The following STAMBPL1 variants were observed in gnomAD, a reference collection of about 807,000 sequenced individuals.
The protein encoded by STAMBPL1 is STAM binding protein like 1, also known as AMSH-like protease.
A neutral mutation model predicts 52.9 loss-of-function variants in STAMBPL1; 44 were observed. The ratio of observed to expected loss-of-function variants is 0.83; its 90% CI spans 0.65 to 1.07. The LOEUF (loss-of-function observed/expected upper bound fraction) is 1.07, where lower values mean the gene tolerates loss of function less well. Among genes scored for constraint, STAMBPL1 ranks in the 50% least tolerant of loss-of-function variants. The pLI, the probability that STAMBPL1 is intolerant of heterozygous loss-of-function variation, is 0.00. For missense variants in STAMBPL1, 511 were observed against 520.8 expected, an observed-to-expected ratio of 0.98 and a Z score of 0.18; for synonymous variants, 164 against 177.3, an observed-to-expected ratio of 0.92 and a Z score of 0.60.
rs151253813 is a variant in STAMBPL1 at position 88,883,694 on chromosome 10, T to C, written c.-54+3056T>C. Among the ~76,000 whole-genome samples the C allele has an allele frequency of 1.8e-3, 278 of 152,350 alleles. 1 individual carries two copies. The highest frequency in any genetic ancestry group is 6.3e-3 in the African/African-American group (262 of 41,590). On this transcript the variant is annotated intron_variant, in intron 1 of 10. Transcript: ENST00000371926. ...GATGCTCTAACTTTTAAATTAAATC[T>C]GTGTTATTTTTTTCCATTGATGTGG...
In STAMBPL1 at chr10:88,905,428, A is replaced by C. The variant is rs113626934; in HGVS notation, c.31-15A>C. ...TAATCAACAGTTAATCAGAGATTTAAATTTTGCTTTGCAGAAAAAGTTAGC... is the reference window on the plus strand; with the variant it reads ...TAATCAACAGTTAATCAGAGATTTACATTTTGCTTTGCAGAAAAAGTTAGC... On this transcript the variant is annotated splice_polypyrimidine_tract_variant and intron_variant, in intron 2 of 10. Transcript: ENST00000371926. 39 of 1,605,006 alleles carry C rather than the reference A, an allele frequency of 2.4e-5. 2 individuals are homozygous for C. In the African/African-American group the frequency reaches 2.7e-4, roughly 11 times the overall value.
At chr10:88,892,251 A>G (rs1452417618) in intron 1 of STAMBPL1, among the ~76,000 whole-genome samples, 3 of 152,048 alleles carry the variant, frequency 2.0e-5, no homozygotes, top group African/African-American at 7.2e-5. Flanking sequence ...GCATAAAAAC[A>G]TCCTGGGCTG....
rs17114071 is a variant in STAMBPL1 at position 88,905,598 on chromosome 10, G to A, written c.186G>A (p.Ala62=). Residue 62 remains alanine, a synonymous_variant, in exon 3 of 11, where the codon GCG becomes GCA. Coordinates refer to ENST00000371926, the MANE Select transcript of STAMBPL1 (RefSeq NM_020799.4). The part of the protein sequence containing the change: ...FRSGVEMERM[A]SVYLEEGNLE... ...CTGGAGTAGAGATGGAGAGGATGGC[G>A]TCTGTGTATTTGGAAGAAGGAAATT... The A allele has an allele frequency of 0.073, 117,681 of 1,613,630 alleles. 4,753 individuals are homozygous for A. The highest frequency in any genetic ancestry group is 0.08 in the Non-Finnish European group (94,622 of 1,179,586).
intron 4 of STAMBPL1, among the ~76,000 whole-genome samples, chr10:88,909,962 A>T (rs1411958985): frequency 6.6e-6 from 1 of 151,994 alleles, no homozygotes; most frequent in Non-Finnish European, 1.5e-5. Context: ...TCTTTGTGTA[A>T]CATTTCCCCT....
chr10:88,902,198 C>T (rs1275102848), intron 2 of STAMBPL1, among the ~76,000 whole-genome samples: 1 of 152,214 alleles, frequency 6.6e-6, no homozygotes, highest in East Asian at 1.9e-4. Flanking sequence ...CACTTTTCCC[C>T]TCACTGCCCA....
In STAMBPL1 at chr10:88,922,377, G is replaced by T; in HGVS notation, c.1195G>T (p.Val399Phe). Reference sequence around the variant, plus strand: ...GCTCACCAATGCTGGCATGCTTGAGGTTTCTGCTTGTAAAAAAAAGGGCTT... The same window carrying T: ...GCTCACCAATGCTGGCATGCTTGAGTTTTCTGCTTGTAAAAAAAAGGGCTT... ...FRLTNAGMLE[V>F]SACKKKGFHP... Residue 399 changes from valine (V) to phenylalanine (F), a missense_variant, in exon 10 of 11, where the codon GTT (valine) becomes TTT (phenylalanine). Physicochemically the swap from Val to Phe is conservative, Grantham distance 50. Coordinates refer to ENST00000371926, the MANE Select transcript of STAMBPL1 (RefSeq NM_020799.4). 1 of 1,613,348 alleles carries T rather than the reference G, an allele frequency of 6.2e-7. No individual in the cohort carries two copies. The highest frequency in any genetic ancestry group is 8.5e-7 in the Non-Finnish European group (1 of 1,179,646).
chr10:88,893,381 A>T (rs1844733918), intron 1 of STAMBPL1, among the ~76,000 whole-genome samples: 2 of 152,220 alleles, frequency 1.3e-5, no homozygotes, highest in Admixed American at 6.5e-5. Context: ...ATAATTATGG[A>T]TTTGAATTTC....
chr10:88,892,277 C>A (rs1372521859), intron 1 of STAMBPL1, among the ~76,000 whole-genome samples: 1 of 151,998 alleles, frequency 6.6e-6, no homozygotes, highest in Non-Finnish European at 1.5e-5. Flanking sequence ...CCCTGGGGCA[C>A]CCTTCCCAGA....
chr10:88,890,427 CA>C (rs1844649440), intron 1 of STAMBPL1, among the ~76,000 whole-genome samples: 1 of 152,086 alleles, frequency 6.6e-6, no homozygotes, highest in Non-Finnish European at 1.5e-5. Flanking sequence ...GCAATGCAGG[CA>C]GAGAAAAGGG....
chr10:88,920,303 G>T (rs1017523828), intron 8 of STAMBPL1, among the ~76,000 whole-genome samples: 7 of 152,056 alleles, frequency 4.6e-5, no homozygotes, highest in Admixed American at 4.6e-4. Context: ...ATTTCTATGC[G>T]CTAAGCACTG....
chr10:88,892,832 T>C (rs72809313), intron 1 of STAMBPL1, among the ~76,000 whole-genome samples: 469 of 152,294 alleles, frequency 3.1e-3, no homozygotes, highest in Non-Finnish European at 5.7e-3. Flanking sequence ...CTACTGTCCT[T>C]AAGAAAGTTA....
chr10:88,895,868 A>C (rs1844798840), intron 1 of STAMBPL1, among the ~76,000 whole-genome samples: 1 of 152,240 alleles, frequency 6.6e-6, no homozygotes, highest in Non-Finnish European at 1.5e-5. Context: ...ATGGCCCAGT[A>C]TGTGACTTTC....
Position 88,906,074 on chromosome 10 carries a change from G to A in STAMBPL1, c.248+414G>A, listed in dbSNP as rs576175889. Among the ~76,000 whole-genome samples, 20 of 152,306 alleles carry A rather than the reference G, an allele frequency of 1.3e-4. No individual in the cohort carries two copies. The South Asian group carries it at 1.9e-3, about 14-fold the overall frequency. ...CAACATTTAAAAAATTTGATTTGGT[G>A]GGTTGAGTCTAGGGGACAAGTTGGG... On this transcript the variant is annotated intron_variant, in intron 3 of 10. Transcript: ENST00000371926.
intron 1 of STAMBPL1, among the ~76,000 whole-genome samples, chr10:88,884,458 G>A (rs1312161266): frequency 6.6e-6 from 1 of 152,170 alleles, no homozygotes; most frequent in Non-Finnish European, 1.5e-5. Context: ...TTGGCAGTTG[G>A]GTGGAGAGTG....
At chr10:88,890,034 T>C (rs948719216) in intron 1 of STAMBPL1, among the ~76,000 whole-genome samples, 3 of 152,210 alleles carry the variant, frequency 2.0e-5, no homozygotes, top group Non-Finnish European at 4.4e-5. Context: ...CCTAGTCTGA[T>C]GATGGTCAAA....
intron 10 of STAMBPL1, 150 bp from the exon 11 acceptor site, chr10:88,923,018 A>C: frequency 1.7e-6 from 1 of 582,074 alleles, no homozygotes; most frequent in Non-Finnish European, 2.9e-6. Flanking sequence ...AAAATGAATA[A>C]ATGTGATTGT....
At chr10:88,891,702 T>C (rs1337761501) in intron 1 of STAMBPL1, among the ~76,000 whole-genome samples, 1 of 152,238 alleles carries the variant, frequency 6.6e-6, no homozygotes, top group Non-Finnish European at 1.5e-5. Context: ...CATTGTTTTC[T>C]GTATTTCATC....
chr10:88,881,167 C>A (rs1373690391), intron 1 of STAMBPL1, among the ~76,000 whole-genome samples: 5 of 152,074 alleles, frequency 3.3e-5, no homozygotes, highest in Non-Finnish European at 1.5e-5. Context: ...TAAGACATTG[C>A]CCCTCACCTG....
At chr10:88,892,965 A>G (rs1386788068) in intron 1 of STAMBPL1, among the ~76,000 whole-genome samples, 1 of 152,252 alleles carries the variant, frequency 6.6e-6, no homozygotes, top group Non-Finnish European at 1.5e-5. Context: ...ATTATACTTC[A>G]TTGAACTAAG....
Sources: allele counts gnomAD v4.1 joint callset (sites outside exome capture counted in the v4.1 genomes callset), GRCh38; gene constraint gnomAD v4.1.1; transcripts MANE v1.5; gene names NCBI Gene and HGNC (gene_info 2026-07-23, HGNC 2026-07-21).